PRKAG2: variants seen among roughly 807,000 people sequenced by gnomAD.
PRKAG2 encodes protein kinase AMP-activated non-catalytic subunit gamma 2.
A neutral mutation model predicts 69.6 loss-of-function variants in PRKAG2; 26 were observed. The observed-to-expected ratio is 0.37, with a 90% CI of 0.27 to 0.52. The LOEUF (loss-of-function observed/expected upper bound fraction) is 0.52. Ranked by LOEUF, PRKAG2 falls within the 20% of genes least tolerant of loss-of-function variation. The pLI, the probability that PRKAG2 is intolerant of heterozygous loss-of-function variation, is 0.90. For synonymous variants in PRKAG2, 293 were observed against 285.0 expected (o/e 1.03, Z -0.28); for missense variants, 557 against 740.0 (o/e 0.75, Z 2.87).
intron 3 of PRKAG2, among the ~76,000 whole-genome samples, chr7:151,709,246 T>C (rs1475191365): frequency 6.6e-6 from 1 of 152,012 alleles, no homozygotes; most frequent in Admixed American, 6.5e-5. Context: ...GTGAAATCGA[T>C]TTGTGACAAT....
At chr7:151,861,527 C>CAAAAAAAA (rs1563762540) in intron 1 of PRKAG2, among the ~76,000 whole-genome samples, 1,871 of 60,102 alleles carry the variant, frequency 0.031, 88 homozygotes, top group South Asian at 0.045. Context: ...GACTCTGTCT[C>CAAAAAAAA]CAAAAAAAAA....
rs1179969399 is a variant in PRKAG2 at position 151,777,267 on chromosome 7, CCCT to C, written c.466+3882_466+3884del. 2.0e-5 allele frequency among the ~76,000 whole-genome samples: 3 copies of C among 152,220 alleles called. No homozygotes were observed. Among genetic ancestry groups the C allele is most frequent in the Non-Finnish European group, 4.4e-5 (3 of 68,028 alleles). ...TCATCCCCAGGCCTGTGCCTGCGTT[CCCT>C]CACTGTGAGCACAGTGTCTGCTGGG... On this transcript the variant is annotated intron_variant, in intron 3 of 15. Coordinates refer to ENST00000287878, the MANE Select transcript of PRKAG2 (RefSeq NM_016203.4). The surrounding 1 kb of genome is among the most constrained non-coding windows in gnomAD (Gnocchi z 4.3).
rs190457280 is a variant in PRKAG2, at chr7:151,557,484, C to T, written c.1679-252G>A. 7.9e-5 allele frequency: 78 copies of T among 984,966 alleles called. No homozygotes were observed. In the African/African-American group the frequency reaches 1.2e-3, roughly 15 times the overall value. 61.0% of individuals were successfully genotyped at this position (984,966 alleles called of 1,614,324 possible). ...ACTTGGAAAACAAAAAAAAAGAATTCCACTCTTAAAAAATTTTACTAAGAA... is the reference window on the plus strand; with the variant it reads ...ACTTGGAAAACAAAAAAAAAGAATTTCACTCTTAAAAAATTTTACTAAGAA... On this transcript the variant is annotated intron_variant, in intron 15 of 15. Transcript: ENST00000287878.
intron 6 of PRKAG2, among the ~76,000 whole-genome samples, chr7:151,594,458 A>G (rs2151130099): frequency 6.6e-6 from 1 of 152,346 alleles, no homozygotes; most frequent in East Asian, 1.9e-4. Context: ...GTATGTGATT[A>G]TAAGTTACAT....
intron 8 of PRKAG2, 89 bp from the exon 9 acceptor site, chr7:151,572,798 T>C (rs1807901370): frequency 4.7e-6 from 4 of 849,350 alleles, no homozygotes; most frequent in Non-Finnish European, 7.3e-6. Context: ...GCTTGGATAA[T>C]AGCATTTTCT....
At chr7:151,741,615 G>T (rs184465914) in intron 3 of PRKAG2, among the ~76,000 whole-genome samples, 1 of 150,228 alleles carries the variant, frequency 6.7e-6, no homozygotes, top group East Asian at 2.0e-4. Context: ...CAGAGGTTGC[G>T]ATGAGCCGAG....
intron 1 of PRKAG2, among the ~76,000 whole-genome samples, chr7:151,846,570 C>T (rs907722710): frequency 5.3e-5 from 8 of 152,316 alleles, no homozygotes; most frequent in South Asian, 2.1e-4. Flanking sequence ...TATCCCACAA[C>T]GCCACCTCTG....
chr7:151,747,652 T>G (rs1211308573), intron 3 of PRKAG2, among the ~76,000 whole-genome samples: 1 of 152,204 alleles, frequency 6.6e-6, no homozygotes, highest in African/African-American at 2.4e-5. Flanking sequence ...CTCGATGGCT[T>G]AAGTTCCAGA....
At chr7:151,721,408 G>A (rs1171876399) in intron 3 of PRKAG2, among the ~76,000 whole-genome samples, 1 of 151,576 alleles carries the variant, frequency 6.6e-6, no homozygotes, top group Non-Finnish European at 1.5e-5. Flanking sequence ...CCAGGGCCGG[G>A]GCCGAGGCCA....
At position 151,567,015 on chromosome 7, in the gene PRKAG2, A is replaced by C. The variant is rs1806412377; in HGVS notation, c.1234-1130T>G. 6.6e-6 allele frequency among the ~76,000 whole-genome samples: 1 copy of C among 152,218 alleles called. No individual in the cohort carries two copies. The highest frequency in any genetic ancestry group is 1.5e-5 in the Non-Finnish European group (1 of 68,032). On this transcript the variant is annotated intron_variant, in intron 11 of 15. Coordinates refer to ENST00000287878, the MANE Select transcript of PRKAG2 (RefSeq NM_016203.4). The surrounding 1 kb of genome is among the most constrained non-coding windows in gnomAD (Gnocchi z 4.2). ...CTTCCTCTCCTTTTTATAGAAGATA[A>C]AAATCTGAAGCAGCTCTGCAAAAGA... is the stretch of plus-strand genomic sequence containing the variant.
chr7:151,812,545 C>A (rs373512360), intron 1 of PRKAG2, among the ~76,000 whole-genome samples: 1 of 152,248 alleles, frequency 6.6e-6, no homozygotes, highest in Non-Finnish European at 1.5e-5. Context: ...GACCAAGCAT[C>A]TTCCTCTTGT....
chr7:151,660,473 T>C (rs991560821), intron 4 of PRKAG2, among the ~76,000 whole-genome samples: 2 of 152,238 alleles, frequency 1.3e-5, no homozygotes, highest in African/African-American at 4.8e-5. Context: ...CCAATGGCTT[T>C]TGGTATATAA....
At chr7:151,755,167 G>A (rs2075000712) in intron 3 of PRKAG2, among the ~76,000 whole-genome samples, 1 of 152,274 alleles carries the variant, frequency 6.6e-6, no homozygotes, top group East Asian at 1.9e-4. Context: ...GGGAGGGGCT[G>A]AAGGCTGGCG....
At chr7:151,642,946 A>G (rs1384730823) in intron 4 of PRKAG2, among the ~76,000 whole-genome samples, 1 of 152,256 alleles carries the variant, frequency 6.6e-6, no homozygotes, top group African/African-American at 2.4e-5. Flanking sequence ...GGTTAATAAA[A>G]TATCTGTTGA....
At chr7:151,667,315 T>C (rs757339072) in intron 4 of PRKAG2, among the ~76,000 whole-genome samples, 1 of 152,196 alleles carries the variant, frequency 6.6e-6, no homozygotes, top group Non-Finnish European at 1.5e-5. Flanking sequence ...AGTTTGTATC[T>C]GAGGGGATGC....
chr7:151,752,292 A>G (rs1457119938), intron 3 of PRKAG2, among the ~76,000 whole-genome samples: 1 of 152,208 alleles, frequency 6.6e-6, no homozygotes, highest in Non-Finnish European at 1.5e-5. Context: ...TTAGCAAACT[A>G]ACACAGGAAC....
At chr7:151,808,037 AGAC>A (rs1051793218) in intron 1 of PRKAG2, among the ~76,000 whole-genome samples, 1 of 152,172 alleles carries the variant, frequency 6.6e-6, no homozygotes, top group African/African-American at 2.4e-5. Flanking sequence ...CCCCGCAGCA[AGAC>A]GACGGCAGAT....
intron 5 of PRKAG2, among the ~76,000 whole-genome samples, chr7:151,616,452 C>A (rs768881387): frequency 2.8e-4 from 42 of 152,230 alleles, no homozygotes; most frequent in Non-Finnish European, 7.3e-5. Context: ...AGCTCCCACT[C>A]AGACGGACAG....
Position 151,814,796 on chromosome 7 carries a change from G to A in PRKAG2, c.115-28255C>T, listed in dbSNP as rs1000606924. The stretch of plus-strand genomic sequence containing the variant: ...GCTGCTCAAAATGCAGGCAGAGCTC[G>A]GGCAGATTCCCCCATTGACGGGACT... On this transcript the variant is annotated intron_variant, in intron 1 of 15. Transcript: ENST00000287878. This position sits in a 1 kb window ranked among gnomAD's most constrained non-coding sequence, Gnocchi z 4.8. The A allele has an allele frequency of 1.5e-5, 19 of 1,231,712 alleles. No homozygotes were observed. The highest frequency in any genetic ancestry group is 4.1e-5 in the South Asian group (1 of 24,318). The allele number at this position is 1,231,712 out of a possible 1,614,324, so 76.3% of individuals were successfully genotyped here. A position where few individuals can be genotyped will look rare whatever the true frequency, so the allele number is the denominator to read the frequency against.
Sources: allele counts gnomAD v4.1 joint callset (sites outside exome capture counted in the v4.1 genomes callset), GRCh38; gene constraint gnomAD v4.1.1; non-coding constraint Gnocchi (gnomAD v3.1); transcripts MANE v1.5; gene names NCBI Gene and HGNC (gene_info 2026-07-23, HGNC 2026-07-21).